Variants in LIMS1 observed in about 807,000 individuals in gnomAD.
LIMS1 encodes the protein LIM zinc finger domain containing 1, also known as LIM and senescent cell antigen-like-containing domain protein 1.
In LIMS1, 18 loss-of-function variants were observed where a neutral mutation model predicts 44.1. The ratio of observed to expected loss-of-function variants is 0.41; its 90% confidence interval spans 0.28 to 0.61. LIMS1 has a LOEUF of 0.61. LIMS1 is among the 20% of genes least tolerant of loss of function. The pLI, the probability that LIMS1 is intolerant of heterozygous loss-of-function variation, is 0.32. For synonymous variants in LIMS1, 93 were observed against 149.1 expected, an observed-to-expected ratio of 0.62 and a Z score of 2.74; for missense variants, 201 against 422.0, an observed-to-expected ratio of 0.48 and a Z score of 4.59.
chr2:108,620,975 C>T (rs967820664), intron 1 of LIMS1, among the ~76,000 whole-genome samples: 6 of 152,164 alleles, frequency 3.9e-5, no homozygotes, highest in African/African-American at 9.7e-5. Context: ...CCTTCTTTAG[C>T]GACTACCTTA....
intron 1 of LIMS1, among the ~76,000 whole-genome samples, chr2:108,639,034 C>A (rs1689479265): frequency 6.6e-6 from 1 of 151,702 alleles, no homozygotes; most frequent in African/African-American, 2.4e-5. Flanking sequence ...CAGAGTGAGA[C>A]TCCGTCTCAA....
intron 1 of LIMS1, among the ~76,000 whole-genome samples, chr2:108,640,711 A>G (rs2148917504): frequency 1.3e-5 from 2 of 152,386 alleles, no homozygotes; most frequent in Middle Eastern, 3.4e-3. Context: ...ATTTTGCTGC[A>G]TGCATGTAAT....
chr2:108,624,884 C>T (rs1449228561), intron 1 of LIMS1, among the ~76,000 whole-genome samples: 2 of 152,200 alleles, frequency 1.3e-5, no homozygotes, highest in Non-Finnish European at 2.9e-5. Context: ...TTCAAGACCA[C>T]TCTGGGCAAC....
chr2:108,664,276 G>A lies in LIMS1; in HGVS notation c.192+4512G>A, dbSNP rs184623857. Among the ~76,000 whole-genome samples, 7 of 152,332 alleles carry A rather than the reference G, an allele frequency of 4.6e-5. No homozygotes were observed. In the East Asian group the frequency reaches 1.4e-3, roughly 29 times the overall value. Reference sequence around the variant, plus strand: ...TGCAACTTTGCACTTGACTGGAAATGAGACTTTCAGCTGGTTTCCGGTTCT... The same window carrying A: ...TGCAACTTTGCACTTGACTGGAAATAAGACTTTCAGCTGGTTTCCGGTTCT... On this transcript the variant is annotated intron_variant, in intron 2 of 9. Coordinates refer to ENST00000544547, the Ensembl canonical transcript of LIMS1.
At chr2:108,660,560 A>G in intron 2 of LIMS1, 1 of 322,838 alleles carries the variant, frequency 3.1e-6, no homozygotes, top group Non-Finnish European at 6.1e-6. Context: ...CAGCCTCCTG[A>G]GTAGCTGGGG....
chr2:108,583,919 C>T (rs1201631098), intron 1 of LIMS1, among the ~76,000 whole-genome samples: 1 of 152,102 alleles, frequency 6.6e-6, no homozygotes, highest in Admixed American at 6.5e-5. Context: ...ATTTTGAACT[C>T]CTGACCTCAA....
At chr2:108,611,846 T>TATATATATATACACACATATATATAC (rs1687625737) in intron 1 of LIMS1, among the ~76,000 whole-genome samples, 2 of 142,302 alleles carry the variant, frequency 1.4e-5, no homozygotes, top group African/African-American at 2.6e-5. Flanking sequence ...AATATATATA[T>TATATATATATACACACATATATATAC]ATATATATAC....
chr2:108,567,683 T>A (rs771211950), intron 1 of LIMS1, among the ~76,000 whole-genome samples: 3 of 152,184 alleles, frequency 2.0e-5, no homozygotes, highest in African/African-American at 4.8e-5. Flanking sequence ...GCGATTCTCC[T>A]GCTTCAGCCT....
At chr2:108,543,617 C>G (rs1469043643) in intron 1 of LIMS1, among the ~76,000 whole-genome samples, 4 of 152,174 alleles carry the variant, frequency 2.6e-5, no homozygotes, top group Non-Finnish European at 5.9e-5. Flanking sequence ...CACCTGGACC[C>G]ATTTAGATGA....
chr2:108,571,387 ACT>A (rs752849020), intron 1 of LIMS1, among the ~76,000 whole-genome samples: 1 of 152,064 alleles, frequency 6.6e-6, no homozygotes, highest in Non-Finnish European at 1.5e-5. Context: ...CATGAAAATG[ACT>A]CTGTTAGTCA....
At chr2:108,545,690 C>T (rs1684460083) in intron 1 of LIMS1, among the ~76,000 whole-genome samples, 1 of 152,188 alleles carries the variant, frequency 6.6e-6, no homozygotes, top group Admixed American at 6.6e-5. Context: ...ATCTTAAGGG[C>T]TCATAGCTGG....
chr2:108,549,067 A>G (rs933494605), intron 1 of LIMS1, among the ~76,000 whole-genome samples: 1 of 152,144 alleles, frequency 6.6e-6, no homozygotes, highest in Non-Finnish European at 1.5e-5. Context: ...TCTCATGCTC[A>G]TGGGACAGTG....
chr2:108,600,820 G>C (rs1466176146), intron 1 of LIMS1, among the ~76,000 whole-genome samples: 1 of 152,152 alleles, frequency 6.6e-6, no homozygotes, highest in East Asian at 1.9e-4. Flanking sequence ...CCCCAGTTTT[G>C]TTCTTTTTGC....
chr2:108,642,736 A>G (rs950093437), intron 1 of LIMS1, among the ~76,000 whole-genome samples: 1 of 152,098 alleles, frequency 6.6e-6, no homozygotes, highest in African/African-American at 2.4e-5. Context: ...GGCCTTAATT[A>G]TTTGAGCTGC....
rs1174010855 is a variant in LIMS1, at chr2:108,612,007, CATAT to C, written c.33-47590_33-47587del. ...TATATACATATATTATATATACACA[CATAT>C]ATATATACACACACATATACACACA... On this transcript the variant is annotated intron_variant, in intron 1 of 9. Transcript: ENST00000544547. Among the ~76,000 whole-genome samples, 30 of 57,318 alleles carry C rather than the reference CATAT, an allele frequency of 5.2e-4. No individual in the cohort carries two copies. The Admixed American group carries it at 6.7e-3, about 13-fold the overall frequency. 37.6% of individuals were successfully genotyped at this position (57,318 alleles called of 152,430 possible).
intron 8 of LIMS1, 108 bp from the exon 9 acceptor site, chr2:108,680,587 G>C (rs1692921457): frequency 7.9e-7 from 1 of 1,259,956 alleles, no homozygotes; most frequent in African/African-American, 1.6e-5. Flanking sequence ...CCTCCACCAA[G>C]TGCCACAGAC....
chr2:108,638,154 T>C (rs1184134878), intron 1 of LIMS1, among the ~76,000 whole-genome samples: 1 of 152,150 alleles, frequency 6.6e-6, no homozygotes, highest in Non-Finnish European at 1.5e-5. Flanking sequence ...CCCAAGAATG[T>C]TTTTAAATTG....
chr2:108,636,790 CAG>C (rs1053340675), intron 1 of LIMS1, among the ~76,000 whole-genome samples: 1 of 152,116 alleles, frequency 6.6e-6, no homozygotes, highest in Non-Finnish European at 1.5e-5. Context: ...CATTCCGTGA[CAG>C]AGAATGGAGA....
At chr2:108,624,773 T>C (rs1372857940) in intron 1 of LIMS1, among the ~76,000 whole-genome samples, 1 of 143,126 alleles carries the variant, frequency 7.0e-6, no homozygotes, top group Non-Finnish European at 1.5e-5. Context: ...AATAAATAAA[T>C]AAATAACAAT....
Sources: gnomAD v4.1 joint callset for allele counts (sites outside exome capture counted in the v4.1 genomes callset) on GRCh38, gnomAD v4.1.1 for gene constraint, MANE v1.5 for transcripts, NCBI Gene and HGNC (gene_info 2026-07-23, HGNC 2026-07-21) for gene names.